The following EPC2 variants were observed in gnomAD, a reference collection of about 807,000 sequenced individuals.
EPC2 encodes enhancer of polycomb homolog 2.
In EPC2, 14 loss-of-function variants were observed where a neutral mutation model predicts 92.1. The observed-to-expected ratio is 0.15, with a 90% confidence interval of 0.10 to 0.24. The LOEUF is 0.24. Ranked by LOEUF, EPC2 falls within the 10% of genes least tolerant of loss-of-function variation. The pLI, the probability that EPC2 is intolerant of heterozygous loss-of-function variation, is 1.00. For synonymous variants in EPC2, 340 were observed against 334.7 expected, an observed-to-expected ratio of 1.02 and a Z score of -0.17; for missense variants, 755 against 971.5, an observed-to-expected ratio of 0.78 and a Z score of 2.96.
At chr2:148,648,660 C>G (rs1433524528) in intron 1 of EPC2, among the ~76,000 whole-genome samples, 1 of 152,130 alleles carries the variant, frequency 6.6e-6, no homozygotes, top group Non-Finnish European at 1.5e-5. Context: ...CCCACCCACC[C>G]TTAAAATTAA....
chr2:148,755,421 T>G (rs1159187474), intron 4 of EPC2, among the ~76,000 whole-genome samples: 1 of 152,092 alleles, frequency 6.6e-6, no homozygotes, highest in African/African-American at 2.4e-5. Flanking sequence ...GAAAGCAGTA[T>G]ACAGGCGTGA....
intron 2 of EPC2, among the ~76,000 whole-genome samples, chr2:148,711,595 A>G (rs934665429): frequency 6.6e-6 from 1 of 152,170 alleles, no homozygotes; most frequent in African/African-American, 2.4e-5. Context: ...TGCCAATTAG[A>G]TCAGTTGACT....
chr2:148,702,225 G>A (rs1278560310), intron 2 of EPC2, among the ~76,000 whole-genome samples: 1 of 151,934 alleles, frequency 6.6e-6, no homozygotes, highest in East Asian at 1.9e-4. Flanking sequence ...GTTTTGGTAA[G>A]CTTTATTTGT....
Position 148,786,408 on chromosome 2 carries a change from T to TCA in EPC2, c.*31_*32insCA. Reference sequence around the variant, plus strand: ...AACACGTGGCTCTGACCTGTGCTGATGGTGTGCAGTCATTCATATTCCAGC... The same window carrying TCA: ...AACACGTGGCTCTGACCTGTGCTGATCAGGTGTGCAGTCATTCATATTCCAGC... On this transcript the variant is annotated 3_prime_UTR_variant, in exon 14 of 14. Coordinates refer to ENST00000258484, the MANE Select transcript of EPC2 (RefSeq NM_015630.4). The TCA allele has an allele frequency of 2.6e-6, 4 of 1,554,944 alleles. No homozygotes were observed. The highest frequency in any genetic ancestry group is 2.6e-6 in the Non-Finnish European group (3 of 1,136,096).
intron 7 of EPC2, among the ~76,000 whole-genome samples, chr2:148,766,682 TAGAAG>T (rs1179693652): frequency 6.6e-6 from 1 of 152,130 alleles, no homozygotes; most frequent in Non-Finnish European, 1.5e-5. Flanking sequence ...GCACAAAACA[TAGAAG>T]AGGAAGAGGG....
intron 1 of EPC2, among the ~76,000 whole-genome samples, chr2:148,686,486 C>T (rs1415619598): frequency 6.6e-6 from 1 of 152,194 alleles, no homozygotes; most frequent in Non-Finnish European, 1.5e-5. Context: ...TGACCTCTTT[C>T]TATGAATCAT....
chr2:148,755,240 C>T (rs1167408596), intron 4 of EPC2, among the ~76,000 whole-genome samples: 3 of 152,084 alleles, frequency 2.0e-5, no homozygotes, highest in Non-Finnish European at 2.9e-5. Context: ...CATTCTGGTT[C>T]TTAGCTAAGG....
At chr2:148,712,268 C>A (rs1450970317) in intron 2 of EPC2, among the ~76,000 whole-genome samples, 1 of 151,006 alleles carries the variant, frequency 6.6e-6, no homozygotes, top group East Asian at 1.9e-4. Flanking sequence ...TGTGTGTTTG[C>A]CCTAGAATTT....
At chr2:148,667,827 G>C (rs6430335) in intron 1 of EPC2, among the ~76,000 whole-genome samples, 22,866 of 152,148 alleles carry the variant, frequency 0.15, 2,532 homozygotes, top group East Asian at 0.45. Context: ...GTGAATTTTT[G>C]GAATGGATGT....
At chr2:148,695,124 A>T (rs1681720035) in intron 2 of EPC2, among the ~76,000 whole-genome samples, 1 of 152,158 alleles carries the variant, frequency 6.6e-6, no homozygotes. Flanking sequence ...TCCAGTTTTG[A>T]ACTCAGTTAA....
chr2:148,740,814 T>G (rs2105405227), intron 2 of EPC2, among the ~76,000 whole-genome samples: 1 of 152,324 alleles, frequency 6.6e-6, no homozygotes, highest in Non-Finnish European at 1.5e-5. Context: ...GTCTTCTAGC[T>G]GTATCAACTA....
At chr2:148,647,254 TA>T (rs1180690744) in intron 1 of EPC2, among the ~76,000 whole-genome samples, 1 of 152,220 alleles carries the variant, frequency 6.6e-6, no homozygotes, top group East Asian at 1.9e-4. Context: ...TAACTTAGAG[TA>T]ATTTTTTCAT....
In EPC2 at chr2:148,754,142, C is replaced by T. The variant is rs75077571; in HGVS notation, c.666+9C>T. On this transcript the variant is annotated intron_variant, in intron 4 of 13. Transcript: ENST00000258484. ...AAATGCAAACTCGAAAGGTAATGTG[C>T]AAATTAGGTTTCATTGAAGGTAGCT... 4,208 of 1,576,076 alleles carry T rather than the reference C, an allele frequency of 2.7e-3. 116 individuals are homozygous for T. In the African/African-American group the frequency reaches 0.052, roughly 19 times the overall value.
At chr2:148,721,400 A>G (rs1189372468) in intron 2 of EPC2, among the ~76,000 whole-genome samples, 1 of 151,940 alleles carries the variant, frequency 6.6e-6, no homozygotes, top group African/African-American at 2.4e-5. Context: ...TCTGAGGAAT[A>G]TCTGATGTGA....
At chr2:148,689,907 CAATT>C (rs1195432203) in intron 1 of EPC2, among the ~76,000 whole-genome samples, 1 of 152,114 alleles carries the variant, frequency 6.6e-6, no homozygotes, top group Admixed American at 6.5e-5. Context: ...ACAAACACCT[CAATT>C]AATCTAGCAA....
At chr2:148,738,248 G>T (rs1156626014) in intron 2 of EPC2, among the ~76,000 whole-genome samples, 1 of 152,146 alleles carries the variant, frequency 6.6e-6, no homozygotes, top group Non-Finnish European at 1.5e-5. Flanking sequence ...TCTGTTAGAG[G>T]AAATTTGGCC....
At chr2:148,764,205 G>A (rs576520763) in intron 6 of EPC2, among the ~76,000 whole-genome samples, 2 of 152,336 alleles carry the variant, frequency 1.3e-5, no homozygotes, top group East Asian at 1.9e-4. Context: ...TGGACTAGAT[G>A]TGGAAATGTA....
intron 2 of EPC2, among the ~76,000 whole-genome samples, chr2:148,721,893 T>TTA (rs1682386289): frequency 7.0e-6 from 1 of 143,858 alleles, no homozygotes; most frequent in African/African-American, 2.6e-5. Context: ...TTGATTTCTT[T>TTA]TTTTTTTTTT....
intron 6 of EPC2, 23 bp downstream of exon 6, chr2:148,762,825 C>T (rs201653210): frequency 1.6e-5 from 25 of 1,586,108 alleles, no homozygotes; most frequent in South Asian, 1.2e-5. Context: ...TGGGAAGAAG[C>T]ATGTATGGAT....
Sources: allele counts gnomAD v4.1 joint callset (sites outside exome capture counted in the v4.1 genomes callset), GRCh38; gene constraint gnomAD v4.1.1; transcripts MANE v1.5; gene names NCBI Gene and HGNC (gene_info 2026-07-23, HGNC 2026-07-21).